ALK: variants seen among roughly 807,000 people sequenced by gnomAD.
The protein encoded by ALK is ALK tyrosine kinase receptor.
Under a neutral mutation model 163.1 loss-of-function variants are expected in ALK, and 74 were observed. That is an observed-to-expected ratio of 0.45 (90% CI 0.38 to 0.55). The LOEUF (loss-of-function observed/expected upper bound fraction) is 0.55, where lower values mean the gene tolerates loss of function less well. Among genes scored for constraint, ALK ranks in the 20% least tolerant of loss-of-function variants. ALK has a pLI of 0.00. For missense variants in ALK, 2,063 were observed against 2,105.3 expected (o/e 0.98, Z 0.39); for synonymous variants, 960 against 843.2 (o/e 1.14, Z -2.40).
chr2:29,417,912 G>A (rs74637850), intron 4 of ALK, among the ~76,000 whole-genome samples: 2 of 152,170 alleles, frequency 1.3e-5, no homozygotes, highest in Admixed American at 6.5e-5. Flanking sequence ...CTTGTAAATT[G>A]TATGCTACAG....
intron 8 of ALK, among the ~76,000 whole-genome samples, chr2:29,306,434 T>A (rs1666511453): frequency 6.6e-6 from 1 of 152,222 alleles, no homozygotes; most frequent in Non-Finnish European, 1.5e-5. Context: ...ATTTTCCAGA[T>A]CTTTGTTGCT....
At chr2:29,471,494 T>C (rs576794478) in intron 4 of ALK, among the ~76,000 whole-genome samples, 1 of 152,296 alleles carries the variant, frequency 6.6e-6, no homozygotes, top group East Asian at 1.9e-4. Context: ...CAAAACTCAA[T>C]CCATATAACC....
intron 11 of ALK, among the ~76,000 whole-genome samples, chr2:29,259,563 A>G (rs1665032568): frequency 6.6e-6 from 1 of 152,136 alleles, no homozygotes; most frequent in Admixed American, 6.5e-5. Flanking sequence ...TATCTTAAAG[A>G]TGCTACTCAT....
intron 4 of ALK, among the ~76,000 whole-genome samples, chr2:29,415,247 G>A (rs1326365538): frequency 1.3e-5 from 2 of 151,572 alleles, no homozygotes; most frequent in Admixed American, 6.6e-5. Context: ...TTTTTGCTTT[G>A]TGTTAGCAAC....
Position 29,581,259 on chromosome 2 carries a change from G to A in ALK, c.953-49143C>T, listed in dbSNP as rs1006488511. Among the ~76,000 whole-genome samples the A allele has an allele frequency of 7.2e-5, 11 of 152,138 alleles. No individual in the cohort carries two copies. The South Asian group carries it at 8.3e-4, about 12-fold the overall frequency. The stretch of plus-strand genomic sequence containing the variant: ...AAAAATTAGCTTGGTGTGGTGACAC[G>A]CGCCTATAGTCCCAGCTGCTCGGGA... On this transcript the variant is annotated intron_variant, in intron 3 of 28. Coordinates refer to ENST00000389048, the MANE Select transcript of ALK (RefSeq NM_004304.5).
chr2:29,265,613 C>T (rs889212251), intron 11 of ALK, among the ~76,000 whole-genome samples: 3 of 152,152 alleles, frequency 2.0e-5, no homozygotes, highest in Admixed American at 6.6e-5. Context: ...ATCTGCCAAT[C>T]ACTTACTAAA....
intron 8 of ALK, among the ~76,000 whole-genome samples, chr2:29,298,735 C>T (rs751490165): frequency 1.3e-5 from 2 of 151,756 alleles, no homozygotes; most frequent in Non-Finnish European, 2.9e-5. Flanking sequence ...CCTTCAGTCC[C>T]CTTCTCTCTT....
rs58557380 is a variant in ALK, at chr2:29,549,137, TACAC to T, written c.953-17025_953-17022del. Among the ~76,000 whole-genome samples the T allele has an allele frequency of 2.9e-3, 428 of 149,774 alleles. 1 individual carries two copies. The highest frequency in any genetic ancestry group is 0.014 in the Middle Eastern group (4 of 290). On this transcript the variant is annotated intron_variant, in intron 3 of 28. Transcript: ENST00000389048. ...ATAACAGTGGCTGCTGATCTACAGG[TACAC>T]ACACACACACACACACACACGCACA... is the stretch of plus-strand genomic sequence containing the variant.
chr2:29,921,219 T>G lies in ALK; in HGVS notation c.-560A>C, dbSNP rs1667996038. 4.3e-6 allele frequency: 1 copy of G among 234,136 alleles called. No individual in the cohort carries two copies. Among genetic ancestry groups the G allele is most frequent in the South Asian group, 1.8e-4 (1 of 5,548 alleles). 14.5% of individuals were successfully genotyped at this position (234,136 alleles called of 1,614,324 possible). A position where few individuals can be genotyped will look rare whatever the true frequency, so the allele number is the denominator to read the frequency against. Reference sequence around the variant, plus strand: ...GAACCGAGGGCGGAGGCTGCCGTCTTGCGCACCCTCAAGCTATCTCTCCGC... The same window carrying G: ...GAACCGAGGGCGGAGGCTGCCGTCTGGCGCACCCTCAAGCTATCTCTCCGC... On this transcript the variant is annotated 5_prime_UTR_variant, in exon 1 of 29. Transcript: ENST00000389048.
At chr2:29,692,446 A>G (rs936886977) in intron 3 of ALK, among the ~76,000 whole-genome samples, 1 of 152,190 alleles carries the variant, frequency 6.6e-6, no homozygotes, top group Non-Finnish European at 1.5e-5. Flanking sequence ...TTTTCCACGG[A>G]TGGTTTTGGG....
In ALK at chr2:29,344,398, G is replaced by A. The variant is rs145029057; in HGVS notation, c.1283-15917C>T. ...GGCTAGATCATAAAGACTGTGCAGCGTCCTCCTTGGTCATGGATACATCTG... is the reference window on the plus strand; with the variant it reads ...GGCTAGATCATAAAGACTGTGCAGCATCCTCCTTGGTCATGGATACATCTG... On this transcript the variant is annotated intron_variant, in intron 5 of 28. Transcript: ENST00000389048. 7.3e-3 allele frequency among the ~76,000 whole-genome samples: 1,117 copies of A among 152,244 alleles called. 9 individuals are homozygous for A. The highest frequency in any genetic ancestry group is 0.026 in the African/African-American group (1,067 of 41,532).
rs183024732 is a variant in ALK at position 29,275,084 on chromosome 2, G to A, written c.2041+15C>T. 221 of 1,613,912 alleles carry A rather than the reference G, an allele frequency of 1.4e-4. No individual in the cohort carries two copies. In the African/African-American group the frequency reaches 2.4e-3, roughly 17 times the overall value. On this transcript the variant is annotated intron_variant, in intron 11 of 28. Coordinates refer to ENST00000389048, the MANE Select transcript of ALK (RefSeq NM_004304.5). ...AAGAAGTTACTGTGCTCACATTTGT[G>A]AGCTGAACCCTTACCTGTAGGGTCA...
Position 29,754,317 on chromosome 2 carries a change from C to G in ALK, c.668-36620G>C, listed in dbSNP as rs74973979. 1.8e-4 allele frequency among the ~76,000 whole-genome samples: 28 copies of G among 152,262 alleles called. No homozygotes were observed. In the East Asian group the frequency reaches 5.2e-3, roughly 28 times the overall value. ...TAGCAGCCTTTCTCCCTGCCTGCAT[C>G]TCCCCACAAAAGGAGCTTTGAAGGA... On this transcript the variant is annotated intron_variant, in intron 1 of 28. Coordinates refer to ENST00000389048, the MANE Select transcript of ALK (RefSeq NM_004304.5).
rs766238529 is a variant in ALK at position 29,220,758 on chromosome 2, A to T, written c.3593T>A (p.Leu1198His). The T allele has an allele frequency of 6.2e-7, 1 of 1,613,954 alleles. No homozygotes were observed. The highest frequency in any genetic ancestry group is 1.7e-5 in the Admixed American group (1 of 60,018). Residue 1198 changes from leucine (L) to histidine (H), a missense_variant, in exon 23 of 29, where the codon CTC (leucine) becomes CAC (histidine). By Grantham distance (99) the Leu-to-His change is moderately conservative (BLOSUM62 -3). Transcript: ENST00000389048. The stretch of plus-strand genomic sequence containing the variant: ...GGACTTGAGGTCTCCCCCCGCCATG[A>T]GCTCCAGCAGGATGAACCGGGGCAG... Reference protein sequence around the residue: ...QSLPRFILLELMAGGDLKSFL... With the variant: ...QSLPRFILLEHMAGGDLKSFL...
chr2:29,785,602 T>G (rs1403915659), intron 1 of ALK, among the ~76,000 whole-genome samples: 1 of 152,192 alleles, frequency 6.6e-6, no homozygotes, highest in East Asian at 1.9e-4. Flanking sequence ...TAAGTCCATG[T>G]GACTTGCAAA....
At chr2:29,824,629 T>C (rs1044382429) in intron 1 of ALK, among the ~76,000 whole-genome samples, 29 of 152,234 alleles carry the variant, frequency 1.9e-4, no homozygotes, top group African/African-American at 6.5e-4. Context: ...ATTTCAAACT[T>C]GCACAGGGCC....
intron 4 of ALK, among the ~76,000 whole-genome samples, chr2:29,477,540 CTA>C: frequency 6.6e-6 from 1 of 152,144 alleles, no homozygotes; most frequent in East Asian, 1.9e-4. Context: ...ATCAGAGGTG[CTA>C]TATGATTCTT....
intron 4 of ALK, among the ~76,000 whole-genome samples, chr2:29,508,113 C>T (rs1434442814): frequency 6.6e-6 from 1 of 152,150 alleles, no homozygotes; most frequent in Non-Finnish European, 1.5e-5. Context: ...TGCCACCCTA[C>T]AGGGTCTGGC....
intron 1 of ALK, among the ~76,000 whole-genome samples, chr2:29,902,930 A>C (rs940214116): frequency 6.6e-6 from 1 of 152,202 alleles, no homozygotes; most frequent in Non-Finnish European, 1.5e-5. Context: ...ACAGTGCACT[A>C]ACCTATGCAT....
Sources: allele counts gnomAD v4.1 joint callset (sites outside exome capture counted in the v4.1 genomes callset), GRCh38; gene constraint gnomAD v4.1.1; transcripts MANE v1.5; gene names NCBI Gene and HGNC (gene_info 2026-07-23, HGNC 2026-07-21).